NUP210: variants seen among roughly 807,000 people sequenced by gnomAD.
NUP210 encodes the protein nucleoporin 210, also known as nuclear pore membrane glycoprotein 210.
A neutral mutation model predicts 196.0 loss-of-function variants in NUP210; 151 were observed. The observed-to-expected ratio is 0.77, with a 90% CI of 0.67 to 0.88. The LOEUF is 0.88. Ranked by LOEUF, NUP210 falls within the 40% of genes least tolerant of loss-of-function variation. NUP210 has a pLI of 0.00. For missense variants in NUP210, 2,314 were observed against 2,493.7 expected (o/e 0.93, Z 1.53); for synonymous variants, 1,070 against 1,052.7 (o/e 1.02, Z -0.32).
chr3:13,330,426 C>A, intron 30 of NUP210, 34 bp downstream of exon 30: 1 of 1,603,608 alleles, frequency 6.2e-7, no homozygotes, highest in Non-Finnish European at 8.5e-7. Flanking sequence ...CTATTGCTTT[C>A]ATTACTCCAA....
intron 20 of NUP210, among the ~76,000 whole-genome samples, chr3:13,343,801 G>C (rs1006120327): frequency 1.3e-5 from 2 of 152,172 alleles, no homozygotes; most frequent in Non-Finnish European, 2.9e-5. Context: ...GGCAGAAAAC[G>C]AGGCAGATGC....
rs756835043 is a variant in NUP210 at position 13,321,717 on chromosome 3, T to G, written c.5034A>C (p.Thr1678=). Residue 1678 remains threonine, a synonymous_variant, in exon 36 of 40, where the codon ACA becomes ACC. Coordinates refer to ENST00000254508, the MANE Select transcript of NUP210 (RefSeq NM_024923.4). ...AGGGCACCTCGGCCCCCACCTGCTC[T>G]GTGGAGAAGTGGCTGCTGGAGAGGG... The part of the protein sequence containing the change: ...SASLSSSHFS[T]EQVGAEVPFS... 1.2e-6 allele frequency: 2 copies of G among 1,614,058 alleles called. No homozygotes were observed. The highest frequency in any genetic ancestry group is 2.2e-5 in the East Asian group (1 of 44,892).
At chr3:13,359,273 A>G (rs1440832843) in intron 15 of NUP210, among the ~76,000 whole-genome samples, 2 of 152,210 alleles carry the variant, frequency 1.3e-5, no homozygotes, top group African/African-American at 4.8e-5. Flanking sequence ...GAGAGGGGAC[A>G]GGGATGGTGG....
intron 1 of NUP210, among the ~76,000 whole-genome samples, chr3:13,401,614 A>G: frequency 6.6e-6 from 1 of 152,232 alleles, no homozygotes; most frequent in Non-Finnish European, 1.5e-5. Flanking sequence ...GGAGACAAGA[A>G]GCAGGTGCCT....
chr3:13,416,911 G>A (rs1400173425), intron 1 of NUP210, among the ~76,000 whole-genome samples: 1 of 152,220 alleles, frequency 6.6e-6, no homozygotes, highest in African/African-American at 2.4e-5. Flanking sequence ...TATTACAGCT[G>A]GAAGATTATG....
chr3:13,414,539 T>C (rs1437918188), intron 1 of NUP210, among the ~76,000 whole-genome samples: 1 of 152,170 alleles, frequency 6.6e-6, no homozygotes, highest in Non-Finnish European at 1.5e-5. Flanking sequence ...TTCTCCTTCC[T>C]GTCTCCTAAC....
chr3:13,413,457 A>G (rs1700245127), intron 1 of NUP210, among the ~76,000 whole-genome samples: 1 of 149,768 alleles, frequency 6.7e-6, no homozygotes, highest in African/African-American at 2.5e-5. Flanking sequence ...GCGACAGAGC[A>G]AGACTCTGTC....
chr3:13,418,862 T>A (rs1337788015), intron 1 of NUP210, among the ~76,000 whole-genome samples: 1 of 140,482 alleles, frequency 7.1e-6, no homozygotes, highest in Non-Finnish European at 1.5e-5. Flanking sequence ...GGCGGGAGAA[T>A]CGCTTGAACC....
chr3:13,351,859 G>A lies in NUP210; in HGVS notation c.2835+20C>T. 1 of 1,521,906 alleles carries A rather than the reference G, an allele frequency of 6.6e-7. No homozygotes were observed. Among genetic ancestry groups the A allele is most frequent in the Non-Finnish European group, 9.1e-7 (1 of 1,096,380 alleles). The allele number at this position is 1,521,906 out of a possible 1,614,324, so 94.3% of individuals were successfully genotyped here. A position where few individuals can be genotyped will look rare whatever the true frequency, so the allele number is the denominator to read the frequency against. On this transcript the variant is annotated intron_variant, in intron 20 of 39. Transcript: ENST00000254508. ...ATAAGGAATGAAAACCAACAGTGGG[G>A]ACCGATGGCCCAAGCTTACCATGGC...
intron 1 of NUP210, among the ~76,000 whole-genome samples, chr3:13,418,533 T>G (rs1055043533): frequency 2.1e-5 from 2 of 96,420 alleles, no homozygotes; most frequent in African/African-American, 1.8e-4. Flanking sequence ...GGAGTTCTCC[T>G]TGGTCTTGAG....
At position 13,348,369 on chromosome 3, in the gene NUP210, G is replaced by A. The variant is rs1013862865; in HGVS notation, c.2835+3510C>T. On this transcript the variant is annotated intron_variant, in intron 20 of 39. Coordinates refer to ENST00000254508, the MANE Select transcript of NUP210 (RefSeq NM_024923.4). The surrounding 1 kb of genome is among the most constrained non-coding windows in gnomAD (Gnocchi z 4.0). The stretch of plus-strand genomic sequence containing the variant: ...TTCTTGGAGTAAAGGTCTCCCTCTG[G>A]TCACAAGTCCACCCTCAGAGCTTGC... The A allele has an allele frequency of 5.1e-6, 5 of 985,146 alleles. No individual in the cohort carries two copies. In the African/African-American group the frequency reaches 5.2e-5, roughly 10 times the overall value. 61.0% of individuals were successfully genotyped at this position (985,146 alleles called of 1,614,324 possible). A position where few individuals can be genotyped will look rare whatever the true frequency, so the allele number is the denominator to read the frequency against.
rs751041921 is a variant in NUP210, at chr3:13,335,567, G to A, written c.3730C>T (p.Leu1244Phe). The A allele has an allele frequency of 6.2e-7, 1 of 1,614,140 alleles. No homozygotes were observed. Among genetic ancestry groups the A allele is most frequent in the Non-Finnish European group, 8.5e-7 (1 of 1,180,042 alleles). ...PSQYNFAMNV[L>F]GRVKGRTGLR... is the part of the protein sequence containing the mutation. ...CCGGTCCGGCCTTTTACCCGGCCGAGCACGTTCATGGCAAAGTTGTACTGT... is the reference window on the plus strand; with the variant it reads ...CCGGTCCGGCCTTTTACCCGGCCGAACACGTTCATGGCAAAGTTGTACTGT... The change falls in exon 28 of 40, where the codon CTC becomes TTC. Residue 1244 changes from leucine (L) to phenylalanine (F), a missense_variant. Transcript: ENST00000254508.
chr3:13,408,231 A>G (rs1170601841), intron 1 of NUP210, among the ~76,000 whole-genome samples: 1 of 152,212 alleles, frequency 6.6e-6, no homozygotes, highest in Admixed American at 6.5e-5. Context: ...CTACCAGATC[A>G]TGATATATTA....
At chr3:13,331,854 C>T (rs1178053143) in intron 29 of NUP210, among the ~76,000 whole-genome samples, 2 of 152,100 alleles carry the variant, frequency 1.3e-5, no homozygotes, top group Non-Finnish European at 2.9e-5. Context: ...CGTTACTGTG[C>T]GGCCCCCTCG....
At chr3:13,375,140 C>CTCTTTTTTTTTTTTTTTTTT in intron 11 of NUP210, among the ~76,000 whole-genome samples, 1 of 130,496 alleles carries the variant, frequency 7.7e-6, no homozygotes, top group African/African-American at 3.0e-5. Flanking sequence ...TCTATTTTTT[C>CTCTTTTTTTTTTTTTTTTTT]TCTTTTTTTT....
intron 25 of NUP210, among the ~76,000 whole-genome samples, chr3:13,339,212 G>A (rs977009388): frequency 6.6e-6 from 1 of 152,206 alleles, no homozygotes; most frequent in Non-Finnish European, 1.5e-5. Context: ...CTCTAGGGCG[G>A]TGCACTTGCC....
rs542513129 is a variant in NUP210 at position 13,346,966 on chromosome 3, A to G, written c.2836-3663T>C. The G allele has an allele frequency of 6.0e-4, 590 of 978,734 alleles. 1 individual carries two copies. In the African/African-American group the frequency reaches 9.8e-3, roughly 16 times the overall value. The allele number at this position is 978,734 out of a possible 1,614,324, so 60.6% of individuals were successfully genotyped here. On this transcript the variant is annotated intron_variant, in intron 20 of 39. Transcript: ENST00000254508. ...CCCGGCCAGCCCTGTGACCTTCCCAAGGGCGAGGACTGGGGACGTGCACCA... is the reference window on the plus strand; with the variant it reads ...CCCGGCCAGCCCTGTGACCTTCCCAGGGGCGAGGACTGGGGACGTGCACCA...
Position 13,332,180 on chromosome 3 carries a change from C to A in NUP210, c.3935+113G>T, listed in dbSNP as rs1697022392. ...GAGGCCTCACCCATTCCAAGCACAG[C>A]AGGAGAAAACCTCCCTGAAAGTACC... On this transcript the variant is annotated intron_variant, in intron 29 of 39. Transcript: ENST00000254508. The A allele has an allele frequency of 3.8e-6, 3 of 795,966 alleles. No individual in the cohort carries two copies. The Admixed American group carries it at 5.3e-5, about 14-fold the overall frequency. The allele number at this position is 795,966 out of a possible 1,614,324, so 49.3% of individuals were successfully genotyped here.
intron 23 of NUP210, among the ~76,000 whole-genome samples, chr3:13,341,388 T>C (rs972229016): frequency 6.6e-6 from 1 of 151,916 alleles, no homozygotes; most frequent in Non-Finnish European, 1.5e-5. Flanking sequence ...GGTTAAGGAG[T>C]TCTTCTACAC....
Sources: gnomAD v4.1 joint callset for allele counts (sites outside exome capture counted in the v4.1 genomes callset) on GRCh38, gnomAD v4.1.1 for gene constraint, Gnocchi (gnomAD v3.1) non-coding constraint, MANE v1.5 for transcripts, NCBI Gene and HGNC (gene_info 2026-07-23, HGNC 2026-07-21) for gene names.